Variants in FARP1 observed in about 807,000 individuals in gnomAD.
FARP1 encodes the protein FERM, ARHGEF and pleckstrin domain-containing protein 1.
In FARP1, 52 loss-of-function variants were observed where a neutral mutation model predicts 128.8. That is an observed-to-expected ratio of 0.40 (90% CI 0.32 to 0.51). The LOEUF (loss-of-function observed/expected upper bound fraction) is 0.51. FARP1 is among the 20% of genes least tolerant of loss of function. The probability of loss-of-function intolerance (pLI) is 0.45; values close to 1 mark genes in which losing one functional copy is unlikely to be tolerated. For missense variants in FARP1, 1,333 were observed against 1,367.9 expected (o/e 0.97, Z 0.40); for synonymous variants, 580 against 551.8 (o/e 1.05, Z -0.72).
chr13:98,332,326 T>C (rs1887545409), intron 2 of FARP1: 1 of 152,150 alleles, frequency 6.6e-6, no homozygotes, highest in African/African-American at 2.4e-5. Flanking sequence ...TACCTGTTTG[T>C]AAAGTTCTTT....
At chr13:98,165,723 T>TTTG (rs1877214791) in intron 1 of FARP1, among the ~76,000 whole-genome samples, 1 of 63,092 alleles carries the variant, frequency 1.6e-5, no homozygotes, top group South Asian at 7.4e-4. Context: ...TTTTTTTTTT[T>TTTG]TTTTTTTTTT....
At chr13:98,371,821 A>G (rs1343768383) in intron 5 of FARP1, among the ~76,000 whole-genome samples, 2 of 152,198 alleles carry the variant, frequency 1.3e-5, no homozygotes, top group African/African-American at 2.4e-5. Flanking sequence ...TCAGCAAAGC[A>G]TAAGTGACTC....
At chr13:98,387,775 G>A (rs1157455713) in intron 8 of FARP1, among the ~76,000 whole-genome samples, 1 of 152,214 alleles carries the variant, frequency 6.6e-6, no homozygotes, top group Non-Finnish European at 1.5e-5. Flanking sequence ...AGTTCTACCG[G>A]TGCTGTTGGA....
At chr13:98,264,088 A>G (rs1883996393) in intron 2 of FARP1, among the ~76,000 whole-genome samples, 1 of 152,208 alleles carries the variant, frequency 6.6e-6, no homozygotes, top group African/African-American at 2.4e-5. Context: ...CCAGACTCCC[A>G]CAGAGCTTTG....
chr13:98,346,437 G>A (rs187211340), intron 3 of FARP1, among the ~76,000 whole-genome samples: 7 of 151,238 alleles, frequency 4.6e-5, no homozygotes, highest in East Asian at 2.0e-4. Context: ...TGATCCGCCC[G>A]CCTCAATTTT....
At chr13:98,362,156 C>G (rs1362946611) in intron 3 of FARP1, among the ~76,000 whole-genome samples, 1 of 152,082 alleles carries the variant, frequency 6.6e-6, no homozygotes, top group Admixed American at 6.6e-5. Flanking sequence ...CCCAGCTACC[C>G]GGGAAGCTGA....
chr13:98,446,653 T>A lies in FARP1; in HGVS notation c.2905-13T>A. Reference sequence around the variant, plus strand: ...ACCCCGAAAAGCCACTTTGCTTTGTTTCCCCTTTCCAGGACAATCATCCCC... The same window carrying A: ...ACCCCGAAAAGCCACTTTGCTTTGTATCCCCTTTCCAGGACAATCATCCCC... On this transcript the variant is annotated splice_polypyrimidine_tract_variant and intron_variant, in intron 25 of 26. Coordinates refer to ENST00000319562, the MANE Select transcript of FARP1 (RefSeq NM_005766.4). 1 of 1,613,636 alleles carries A rather than the reference T, an allele frequency of 6.2e-7. No homozygotes were observed. The highest frequency in any genetic ancestry group is 8.5e-7 in the Non-Finnish European group (1 of 1,179,628).
At chr13:98,274,339 C>T (rs1275353174) in intron 2 of FARP1, among the ~76,000 whole-genome samples, 1 of 152,132 alleles carries the variant, frequency 6.6e-6, no homozygotes, top group East Asian at 1.9e-4. Context: ...GGGGCTCCTC[C>T]GGTTTCTCTT....
chr13:98,280,962 C>G (rs572713637), intron 2 of FARP1, among the ~76,000 whole-genome samples: 3 of 152,166 alleles, frequency 2.0e-5, no homozygotes, highest in Admixed American at 6.5e-5. Flanking sequence ...TTAATGTAAT[C>G]CTAATCTGTT....
At chr13:98,261,714 C>CA (rs1594333481) in intron 2 of FARP1, among the ~76,000 whole-genome samples, 2 of 152,124 alleles carry the variant, frequency 1.3e-5, no homozygotes, top group African/African-American at 4.8e-5. Flanking sequence ...GGAGGAAAAG[C>CA]AAGAGAAAGA....
At chr13:98,337,925 G>A (rs148646848) in intron 2 of FARP1, among the ~76,000 whole-genome samples, 1 of 152,284 alleles carries the variant, frequency 6.6e-6, no homozygotes, top group African/African-American at 2.4e-5. Flanking sequence ...CACATGGATA[G>A]TCACCCATTT....
intron 2 of FARP1, among the ~76,000 whole-genome samples, chr13:98,299,702 T>A (rs1036362790): frequency 1.3e-5 from 2 of 152,206 alleles, no homozygotes; most frequent in Non-Finnish European, 2.9e-5. Flanking sequence ...AAGATGTAAT[T>A]CTTTAATCAC....
chr13:98,217,918 A>C (rs1016596464), intron 2 of FARP1, among the ~76,000 whole-genome samples: 2 of 152,188 alleles, frequency 1.3e-5, no homozygotes, highest in African/African-American at 4.8e-5. Context: ...TAGCATAACA[A>C]GGGAAAGAGC....
intron 5 of FARP1, among the ~76,000 whole-genome samples, chr13:98,377,548 A>T (rs1566932814): frequency 1.3e-5 from 2 of 152,322 alleles, no homozygotes; most frequent in Admixed American, 1.3e-4. Context: ...AATATATAGC[A>T]TGCTAGGTTA....
chr13:98,357,297 A>G (rs1357369043), intron 3 of FARP1, among the ~76,000 whole-genome samples: 1 of 152,042 alleles, frequency 6.6e-6, no homozygotes, highest in Non-Finnish European at 1.5e-5. Flanking sequence ...TTCAATTGAA[A>G]TTTTTTGATG....
intron 2 of FARP1, among the ~76,000 whole-genome samples, chr13:98,265,710 C>G (rs939259605): frequency 6.6e-6 from 1 of 152,222 alleles, no homozygotes; most frequent in Non-Finnish European, 1.5e-5. Context: ...CTCTGAGCTA[C>G]ACCCATCCCT....
At chr13:98,261,793 C>G (rs1414431374) in intron 2 of FARP1, among the ~76,000 whole-genome samples, 2 of 152,108 alleles carry the variant, frequency 1.3e-5, no homozygotes, top group Non-Finnish European at 1.5e-5. Context: ...ACAACCAACA[C>G]TCTCCTGAGC....
At position 98,310,327 on chromosome 13, in the gene FARP1, AG is replaced by A. The variant is rs1400071882; in HGVS notation, c.172-33432del. Among the ~76,000 whole-genome samples, 15 of 152,150 alleles carry A rather than the reference AG, an allele frequency of 9.9e-5. No homozygotes were observed. The East Asian group carries it at 2.7e-3, about 27-fold the overall frequency. Reference sequence around the variant, plus strand: ...ATGGCTAAACCCCTCCCTCCTCTGAAGGGTTATAGCCACAGCCTGAAATAAA... The same window carrying A: ...ATGGCTAAACCCCTCCCTCCTCTGAAGGTTATAGCCACAGCCTGAAATAAA... On this transcript the variant is annotated intron_variant, in intron 2 of 26. Transcript: ENST00000319562.
At chr13:98,179,142 A>G (rs1390227905) in intron 1 of FARP1, among the ~76,000 whole-genome samples, 3 of 152,214 alleles carry the variant, frequency 2.0e-5, no homozygotes, top group Non-Finnish European at 2.9e-5. Flanking sequence ...ATGGACTTAC[A>G]TTTCCATGTG....
Sources: gnomAD v4.1 joint callset for allele counts (sites outside exome capture counted in the v4.1 genomes callset) on GRCh38, gnomAD v4.1.1 for gene constraint, MANE v1.5 for transcripts, NCBI Gene and HGNC (gene_info 2026-07-23, HGNC 2026-07-21) for gene names.